Variants in ERBB4 observed in about 807,000 individuals in gnomAD.
The protein encoded by ERBB4 is erb-b2 receptor tyrosine kinase 4, also known as receptor tyrosine-protein kinase erbB-4.
A neutral mutation model predicts 158.0 loss-of-function variants in ERBB4; 42 were observed. The ratio of observed to expected loss-of-function variants is 0.27; its 90% CI spans 0.21 to 0.34. The LOEUF (loss-of-function observed/expected upper bound fraction) is 0.34, where lower values mean the gene tolerates loss of function less well. Among genes scored for constraint, ERBB4 ranks in the 10% least tolerant of loss-of-function variants. ERBB4 has a pLI of 1.00. For synonymous variants in ERBB4, 583 were observed against 558.7 expected, an observed-to-expected ratio of 1.04 and a Z score of -0.61; for missense variants, 1,333 against 1,624.1, an observed-to-expected ratio of 0.82 and a Z score of 3.08.
At chr2:211,675,788 A>AT (rs2072041100) in intron 13 of ERBB4, among the ~76,000 whole-genome samples, 2 of 50,006 alleles carry the variant, frequency 4.0e-5, no homozygotes, top group Non-Finnish European at 9.0e-5. Context: ...TATAAAATAT[A>AT]ATATTATATA....
At chr2:211,389,124 C>G (rs542921337) in intron 25 of ERBB4, among the ~76,000 whole-genome samples, 1 of 152,302 alleles carries the variant, frequency 6.6e-6, no homozygotes, top group Admixed American at 6.5e-5. Flanking sequence ...CAAGCTCCGC[C>G]TCCCGGGTTC....
intron 20 of ERBB4, among the ~76,000 whole-genome samples, chr2:211,530,955 T>C (rs1289644743): frequency 6.6e-6 from 1 of 152,032 alleles, no homozygotes; most frequent in Non-Finnish European, 1.5e-5. Flanking sequence ...GGTACTCACA[T>C]AAAAACAAAC....
At chr2:211,753,849 T>G (rs1490693019) in intron 4 of ERBB4, among the ~76,000 whole-genome samples, 3 of 144,390 alleles carry the variant, frequency 2.1e-5, no homozygotes, top group African/African-American at 7.8e-5. Context: ...ACCTCAAAAG[T>G]CCTGATTTTT....
chr2:211,718,542 G>A (rs72946565), intron 7 of ERBB4, among the ~76,000 whole-genome samples: 2 of 152,172 alleles, frequency 1.3e-5, no homozygotes, highest in South Asian at 2.1e-4. Flanking sequence ...AATATTTTAA[G>A]TAATGTTTGG....
At chr2:212,401,851 G>A (rs748289637) in intron 1 of ERBB4, among the ~76,000 whole-genome samples, 12 of 152,002 alleles carry the variant, frequency 7.9e-5, no homozygotes, top group Non-Finnish European at 1.8e-4. Flanking sequence ...CTATCAGAAT[G>A]GGTAAAATAA....
intron 1 of ERBB4, among the ~76,000 whole-genome samples, chr2:212,385,933 C>G (rs927490389): frequency 1.3e-5 from 2 of 151,708 alleles, no homozygotes; most frequent in Non-Finnish European, 2.9e-5. Flanking sequence ...CTCTGAGTTA[C>G]TAGTATTTCT....
chr2:212,517,435 G>A (rs1691910282), intron 1 of ERBB4, among the ~76,000 whole-genome samples: 1 of 152,026 alleles, frequency 6.6e-6, no homozygotes, highest in African/African-American at 2.4e-5. Context: ...TAAGGGACAT[G>A]GCAAAAGACT....
chr2:211,732,361 G>GA (rs78246905), intron 5 of ERBB4, among the ~76,000 whole-genome samples: 8 of 148,410 alleles, frequency 5.4e-5, no homozygotes, highest in South Asian at 2.1e-4. Context: ...GGTCTTTTTT[G>GA]AAAAAAAAAA....
At chr2:211,847,279 T>C (rs372811006) in intron 3 of ERBB4, among the ~76,000 whole-genome samples, 3 of 152,228 alleles carry the variant, frequency 2.0e-5, no homozygotes, top group East Asian at 1.9e-4. Flanking sequence ...ACAGAAACAA[T>C]TGAGCAGTGA....
intron 1 of ERBB4, among the ~76,000 whole-genome samples, chr2:212,334,551 A>G (rs2088336867): frequency 6.6e-6 from 1 of 152,008 alleles, no homozygotes; most frequent in African/African-American, 2.4e-5. Context: ...GTAGCAGCTA[A>G]TTGCAGCTAA....
intron 3 of ERBB4, among the ~76,000 whole-genome samples, chr2:211,828,267 T>A (rs1463858633): frequency 6.6e-6 from 1 of 152,176 alleles, no homozygotes; most frequent in East Asian, 1.9e-4. Context: ...TCAAAACACA[T>A]TTTGCTACTA....
intron 1 of ERBB4, among the ~76,000 whole-genome samples, chr2:212,188,184 GTCTCTC>G (rs1169851002): frequency 2.9e-4 from 6 of 20,518 alleles, no homozygotes; most frequent in Admixed American, 7.3e-4. Context: ...ATACCTTCAG[GTCTCTC>G]TCTCTCTCTC....
At chr2:211,962,935 T>G (rs890907602) in intron 2 of ERBB4, among the ~76,000 whole-genome samples, 1 of 152,174 alleles carries the variant, frequency 6.6e-6, no homozygotes, top group African/African-American at 2.4e-5. Context: ...CACCTTCTTT[T>G]TTACAAATTC....
rs148188443 is a variant in ERBB4, at chr2:212,003,063, AAGAG to A, written c.235-55451_235-55448del. Among the ~76,000 whole-genome samples the A allele has an allele frequency of 1.2e-3, 137 of 113,966 alleles. 12 individuals are homozygous for A. The East Asian group carries it at 0.037, about 31-fold the overall frequency. 74.8% of individuals were successfully genotyped at this position (113,966 alleles called of 152,430 possible). A position where few individuals can be genotyped will look rare whatever the true frequency, so the allele number is the denominator to read the frequency against. On this transcript the variant is annotated intron_variant, in intron 2 of 27. Transcript: ENST00000342788. ...AGCGAAACTCTGTCTCAAAAGAGAA[AAGAG>A]AGAGAGAGAGAGAGAGAAAGAGAGA...
rs1693254340 is a variant in ERBB4 at position 212,538,720 on chromosome 2, C to A, written c.-190G>T. 2.4e-6 allele frequency: 1 copy of A among 418,848 alleles called. No homozygotes were observed. The highest frequency in any genetic ancestry group is 4.1e-6 in the Non-Finnish European group (1 of 244,294). The allele number at this position is 418,848 out of a possible 1,614,324, so 25.9% of individuals were successfully genotyped here. On this transcript the variant is annotated 5_prime_UTR_variant, in exon 1 of 28. Transcript: ENST00000342788. The stretch of plus-strand genomic sequence containing the variant: ...CGCCCGCGGGTCCAGGGCCGGGGCC[C>A]GAGGAGGGGGCGAGTGTGAGCGCGT...
At chr2:212,074,409 C>T (rs2078215133) in intron 2 of ERBB4, among the ~76,000 whole-genome samples, 1 of 151,852 alleles carries the variant, frequency 6.6e-6, no homozygotes, top group Non-Finnish European at 1.5e-5. Context: ...TAAATCATAG[C>T]ACATCATTAA....
At chr2:212,045,011 A>T (rs1007312686) in intron 2 of ERBB4, among the ~76,000 whole-genome samples, 3 of 152,192 alleles carry the variant, frequency 2.0e-5, no homozygotes, top group Non-Finnish European at 4.4e-5. Flanking sequence ...CATAATAGCC[A>T]TCAAAAGCTT....
intron 3 of ERBB4, among the ~76,000 whole-genome samples, chr2:211,820,719 C>T (rs751359549): frequency 6.6e-6 from 1 of 151,734 alleles, no homozygotes; most frequent in African/African-American, 2.4e-5. Flanking sequence ...TCTAACAACA[C>T]ACTAAAAAGA....
intron 3 of ERBB4, among the ~76,000 whole-genome samples, chr2:211,913,619 A>ATATGTGTGTGTG (rs1392716173): frequency 2.6e-4 from 35 of 132,820 alleles, no homozygotes; most frequent in African/African-American, 9.5e-4. Flanking sequence ...ATATATATAT[A>ATATGTGTGTGTG]TGTGTGTGTG....
Sources: allele counts gnomAD v4.1 joint callset (sites outside exome capture counted in the v4.1 genomes callset), GRCh38; gene constraint gnomAD v4.1.1; transcripts MANE v1.5; gene names NCBI Gene and HGNC (gene_info 2026-07-23, HGNC 2026-07-21).